Variants in FAF1 observed in about 807,000 individuals in gnomAD.
FAF1 encodes the protein FAS-associated factor 1.
Under a neutral mutation model 92.5 loss-of-function variants are expected in FAF1, and 25 were observed. That is an observed-to-expected ratio of 0.27 (90% CI 0.20 to 0.38). FAF1 has a LOEUF of 0.38. Ranked by LOEUF, FAF1 falls within the 10% of genes least tolerant of loss-of-function variation. The probability of loss-of-function intolerance (pLI) is 1.00; values close to 1 mark genes in which losing one functional copy is unlikely to be tolerated. For missense variants in FAF1, 636 were observed against 793.3 expected (o/e 0.80, Z 2.38); for synonymous variants, 234 against 273.2 (o/e 0.86, Z 1.42).
intron 13 of FAF1, among the ~76,000 whole-genome samples, chr1:50,542,034 G>A (rs1648780904): frequency 6.6e-6 from 1 of 152,098 alleles, no homozygotes. Context: ...CAACAACAAA[G>A]TGATCAATTT....
At chr1:50,817,068 C>T (rs1271285159) in intron 2 of FAF1, among the ~76,000 whole-genome samples, 2 of 152,040 alleles carry the variant, frequency 1.3e-5, no homozygotes, top group Non-Finnish European at 2.9e-5. Flanking sequence ...AGTACCATGG[C>T]GTTACGGTTA....
intron 15 of FAF1, among the ~76,000 whole-genome samples, chr1:50,527,868 C>CT (rs1491383904): frequency 9.8e-4 from 56 of 57,108 alleles, no homozygotes; most frequent in African/African-American, 2.4e-3. Flanking sequence ...TCCCTCTCTC[C>CT]CTCTCTCTCT....
At chr1:50,860,657 A>G (rs1644425057) in intron 1 of FAF1, among the ~76,000 whole-genome samples, 1 of 151,924 alleles carries the variant, frequency 6.6e-6, no homozygotes, top group African/African-American at 2.4e-5. Context: ...GTTGGTGGAA[A>G]TACAACTTAG....
rs1371526581 is a variant in FAF1, at chr1:50,440,124, T to A, written c.*1316A>T. 6.6e-6 allele frequency: 1 copy of A among 152,142 alleles called. No homozygotes were observed. The highest frequency in any genetic ancestry group is 1.5e-5 in the Non-Finnish European group (1 of 68,018). The allele number at this position is 152,142 out of a possible 1,614,324, so 9.4% of individuals were successfully genotyped here. A position where few individuals can be genotyped will look rare whatever the true frequency, so the allele number is the denominator to read the frequency against. ...CTCTTTTTTGGACAAGTACAAAATG[T>A]TAAAATCAGGATCCCAACCCCTAGG... On this transcript the variant is annotated 3_prime_UTR_variant, in exon 19 of 19. Transcript: ENST00000396153.
chr1:50,645,330 A>C (rs1654530882), intron 8 of FAF1, among the ~76,000 whole-genome samples: 1 of 152,260 alleles, frequency 6.6e-6, no homozygotes, highest in Non-Finnish European at 1.5e-5. Context: ...ATGCAATATA[A>C]AGAAGGTGCT....
chr1:50,871,158 G>C (rs1045360775), intron 1 of FAF1, among the ~76,000 whole-genome samples: 14 of 152,198 alleles, frequency 9.2e-5, no homozygotes, highest in African/African-American at 2.4e-4. Context: ...CTACGACACA[G>C]GTGAGGACAC....
chr1:50,667,724 T>G (rs1331400889), intron 7 of FAF1, among the ~76,000 whole-genome samples: 1 of 152,210 alleles, frequency 6.6e-6, no homozygotes, highest in Non-Finnish European at 1.5e-5. Context: ...AGAACAATAA[T>G]GCGGATTTTT....
At chr1:50,869,739 T>C (rs929531990) in intron 1 of FAF1, among the ~76,000 whole-genome samples, 1 of 152,192 alleles carries the variant, frequency 6.6e-6, no homozygotes, top group Non-Finnish European at 1.5e-5. Flanking sequence ...TCTTTGAGGA[T>C]GTACTTTTAG....
At chr1:50,657,793 C>CA (rs1655192333) in intron 7 of FAF1, among the ~76,000 whole-genome samples, 1 of 152,146 alleles carries the variant, frequency 6.6e-6, no homozygotes, top group African/African-American at 2.4e-5. Context: ...ACACAGAACT[C>CA]ACTCTATTTT....
intron 1 of FAF1, among the ~76,000 whole-genome samples, chr1:50,928,788 A>AAAAAAAAAAAAAAAAC: frequency 6.8e-6 from 1 of 147,222 alleles, no homozygotes; most frequent in South Asian, 2.2e-4. Flanking sequence ...ACCTCAAAAA[A>AAAAAAAAAAAAAAAAC]AAAAAAAAAA....
At chr1:50,792,029 T>C (rs1001102170) in intron 3 of FAF1, among the ~76,000 whole-genome samples, 2 of 152,226 alleles carry the variant, frequency 1.3e-5, no homozygotes, top group African/African-American at 2.4e-5. Context: ...TTTTGCATTA[T>C]CACCCATAGC....
At chr1:50,473,249 G>C (rs1389235047) in intron 18 of FAF1, among the ~76,000 whole-genome samples, 1 of 152,026 alleles carries the variant, frequency 6.6e-6, no homozygotes, top group Non-Finnish European at 1.5e-5. Flanking sequence ...TCTTAATAAT[G>C]ATCAAAAAGC....
At chr1:50,765,005 C>T (rs1660511516) in intron 4 of FAF1, among the ~76,000 whole-genome samples, 1 of 152,174 alleles carries the variant, frequency 6.6e-6, no homozygotes, top group South Asian at 2.1e-4. Flanking sequence ...TTTCACCTAA[C>T]AATTTATCTT....
intron 6 of FAF1, among the ~76,000 whole-genome samples, chr1:50,711,551 C>CATGATCTTGG (rs1327117091): frequency 6.7e-6 from 1 of 149,210 alleles, no homozygotes; most frequent in Non-Finnish European, 1.5e-5. Context: ...CTCACTGCAA[C>CATGATCTTGG]CTCCACCTCC....
chr1:50,636,373 C>T (rs947271869), intron 8 of FAF1, among the ~76,000 whole-genome samples: 31 of 132,584 alleles, frequency 2.3e-4, no homozygotes, highest in African/African-American at 6.8e-4. Context: ...TAGTTTGGGG[C>T]GTGTCCTTTT....
intron 2 of FAF1, among the ~76,000 whole-genome samples, chr1:50,828,968 A>G (rs911084988): frequency 4.6e-5 from 7 of 152,252 alleles, no homozygotes; most frequent in Admixed American, 4.6e-4. Flanking sequence ...AAAGACACAC[A>G]GTTCAACAGA....
At chr1:50,867,872 T>G (rs914606373) in intron 1 of FAF1, among the ~76,000 whole-genome samples, 3 of 152,136 alleles carry the variant, frequency 2.0e-5, no homozygotes, top group Non-Finnish European at 4.4e-5. Context: ...AAAAAGACTC[T>G]TGCACACACG....
At chr1:50,755,225 T>C (rs1660028435) in intron 4 of FAF1, among the ~76,000 whole-genome samples, 1 of 152,154 alleles carries the variant, frequency 6.6e-6, no homozygotes, top group Non-Finnish European at 1.5e-5. Flanking sequence ...ACTTCCTAGA[T>C]ACAATGGGGG....
intron 1 of FAF1, among the ~76,000 whole-genome samples, chr1:50,896,728 A>T (rs1644760296): frequency 6.6e-6 from 1 of 152,226 alleles, no homozygotes; most frequent in African/African-American, 2.4e-5. Context: ...TGAAGTACCT[A>T]AAGTAGTAAA....
Sources: gnomAD v4.1 joint callset for allele counts (sites outside exome capture counted in the v4.1 genomes callset) on GRCh38, gnomAD v4.1.1 for gene constraint, MANE v1.5 for transcripts, NCBI Gene and HGNC (gene_info 2026-07-23, HGNC 2026-07-21) for gene names.